The following TMCO5A variants were observed in gnomAD, a reference collection of about 807,000 sequenced individuals.
TMCO5A encodes the protein transmembrane and coiled-coil domains 5A.
In TMCO5A, 34 loss-of-function variants were observed where a neutral mutation model predicts 42.3. The observed-to-expected ratio is 0.80, with a 90% CI of 0.61 to 1.07. The LOEUF (loss-of-function observed/expected upper bound fraction) is 1.07. Ranked by LOEUF, TMCO5A falls within the 50% of genes least tolerant of loss-of-function variation. The probability of loss-of-function intolerance (pLI) is 0.00; values close to 1 mark genes in which losing one functional copy is unlikely to be tolerated. For synonymous variants in TMCO5A, 131 were observed against 115.6 expected, an observed-to-expected ratio of 1.13 and a Z score of -0.86; for missense variants, 357 against 327.9, an observed-to-expected ratio of 1.09 and a Z score of -0.69.
chr15:38,012,130 A>AAAAAAAGAAAG, the TMCO5A span, among the ~76,000 whole-genome samples: 1 of 152,026 alleles, frequency 6.6e-6, no homozygotes, highest in Non-Finnish European at 1.5e-5. Context: ...TCTCAAAAAA[A>AAAAAAAGAAAG]AAAGAAAAAA....
the TMCO5A span, among the ~76,000 whole-genome samples, chr15:37,972,851 T>C: frequency 9.2e-5 from 14 of 152,212 alleles, no homozygotes; most frequent in African/African-American, 3.4e-4. Context: ...GAAATCTTTG[T>C]GAGGACGTAT....
the TMCO5A span, among the ~76,000 whole-genome samples, chr15:38,014,870 TATATA>T: frequency 1.3e-5 from 1 of 74,534 alleles, no homozygotes; most frequent in African/African-American, 4.6e-5. Flanking sequence ...TATATATATA[TATATA>T]TATATATATA....
chr15:37,957,100 G>A (rs554324038), intron 11 of TMCO5A, among the ~76,000 whole-genome samples: 19 of 151,912 alleles, frequency 1.3e-4, no homozygotes, highest in African/African-American at 4.3e-4. Flanking sequence ...TCAAAATAAT[G>A]AGAGCTATTT....
chr15:37,965,069 T>C (rs1280923152), intron 11 of TMCO5A, among the ~76,000 whole-genome samples: 2 of 152,068 alleles, frequency 1.3e-5, no homozygotes, highest in Non-Finnish European at 2.9e-5. Flanking sequence ...AACAGACACA[T>C]ATACCAATGG....
chr15:37,985,668 C>A, the TMCO5A span, among the ~76,000 whole-genome samples: 1 of 152,124 alleles, frequency 6.6e-6, no homozygotes, highest in Non-Finnish European at 1.5e-5. Flanking sequence ...AGAATAGTGA[C>A]CTTCTTTGAG....
At chr15:37,948,823 C>T (rs144629487) in intron 11 of TMCO5A, among the ~76,000 whole-genome samples, 523 of 152,076 alleles carry the variant, frequency 3.4e-3, no homozygotes, top group African/African-American at 0.012. Flanking sequence ...GAATGCAATC[C>T]CAGAACCTTC....
chr15:37,971,187 G>A (rs1890667047), downstream of TMCO5A, among the ~76,000 whole-genome samples: 1 of 152,180 alleles, frequency 6.6e-6, no homozygotes, highest in African/African-American at 2.4e-5. Flanking sequence ...CTGAAATCTA[G>A]GCAGAGGTTC....
At chr15:37,943,650 C>G in intron 10 of TMCO5A, 1 of 449,988 alleles carries the variant, frequency 2.2e-6, no homozygotes, top group Non-Finnish European at 4.0e-6. Flanking sequence ...TAAGAGAACT[C>G]AGAATGGAGG....
the TMCO5A span, among the ~76,000 whole-genome samples, chr15:38,017,609 T>C: frequency 2.0e-5 from 3 of 152,148 alleles, no homozygotes; most frequent in African/African-American, 7.2e-5. Context: ...CTTCCTCAGT[T>C]GAGGGGCTCC....
downstream of TMCO5A, among the ~76,000 whole-genome samples, chr15:37,968,929 T>C (rs1272716443): frequency 6.6e-6 from 1 of 152,184 alleles, no homozygotes; most frequent in Non-Finnish European, 1.5e-5. Context: ...AAGTTCATAT[T>C]GCTCATGATT....
the TMCO5A span, among the ~76,000 whole-genome samples, chr15:38,008,175 G>A: frequency 4.6e-4 from 70 of 152,032 alleles, no homozygotes; most frequent in South Asian, 1.9e-3. Context: ...GATTACAGGC[G>A]TGAGCCACCG....
the TMCO5A span, among the ~76,000 whole-genome samples, chr15:38,037,409 A>G: frequency 1.3e-5 from 2 of 152,208 alleles, no homozygotes; most frequent in Non-Finnish European, 2.9e-5. Flanking sequence ...ACAAGCACAT[A>G]TTGCCTCTAT....
the TMCO5A span, among the ~76,000 whole-genome samples, chr15:38,032,152 T>A: frequency 6.6e-6 from 1 of 152,090 alleles, no homozygotes; most frequent in Non-Finnish European, 1.5e-5. Flanking sequence ...ACAGGTTTTC[T>A]CCATGTTGGT....
the TMCO5A span, among the ~76,000 whole-genome samples, chr15:38,030,410 C>G: frequency 1.3e-5 from 2 of 152,160 alleles, no homozygotes; most frequent in African/African-American, 4.8e-5. Context: ...TCACTTGAAT[C>G]CAATTCTCAT....
At chr15:37,960,578 T>C (rs1219664868) in intron 11 of TMCO5A, among the ~76,000 whole-genome samples, 1 of 152,162 alleles carries the variant, frequency 6.6e-6, no homozygotes, top group Non-Finnish European at 1.5e-5. Context: ...ATGGTAGTTC[T>C]ACTTTTAGTT....
intron 11 of TMCO5A, among the ~76,000 whole-genome samples, chr15:37,961,415 C>G (rs929345503): frequency 6.6e-6 from 1 of 152,118 alleles, no homozygotes; most frequent in African/African-American, 2.4e-5. Context: ...TATTTTTATA[C>G]CAGTACCATG....
At chr15:37,998,264 A>G in the TMCO5A span, among the ~76,000 whole-genome samples, 1 of 152,188 alleles carries the variant, frequency 6.6e-6, no homozygotes, top group Non-Finnish European at 1.5e-5. Flanking sequence ...ATTACTCAAG[A>G]AATTTTTGCC....
the TMCO5A span, among the ~76,000 whole-genome samples, chr15:37,978,655 G>A: frequency 2.0e-5 from 3 of 152,176 alleles, no homozygotes; most frequent in African/African-American, 7.2e-5. Flanking sequence ...TCCTTTCCAG[G>A]GAAATGCAGA....
exon 12 of TMCO5A, chr15:37,967,094 T>C (rs72707414): frequency 1.9e-3 from 303 of 162,564 alleles, no homozygotes; most frequent in Non-Finnish European, 3.1e-3. Flanking sequence ...AGAGCTCAGT[T>C]TAAGAACCAT....
Sources: gnomAD v4.1 joint callset for allele counts (sites outside exome capture counted in the v4.1 genomes callset) on GRCh38, gnomAD v4.1.1 for gene constraint, MANE v1.5 for transcripts, NCBI Gene and HGNC (gene_info 2026-07-23, HGNC 2026-07-21) for gene names.